The following INPP4B variants were observed in gnomAD, a reference collection of about 807,000 sequenced individuals.
INPP4B encodes the protein inositol polyphosphate 4-phosphatase type II.
In INPP4B, 55 loss-of-function variants were observed where a neutral mutation model predicts 122.5. The ratio of observed to expected loss-of-function variants is 0.45; its 90% CI spans 0.36 to 0.56. INPP4B has a LOEUF of 0.56. Among genes scored for constraint, INPP4B ranks in the 20% least tolerant of loss-of-function variants. The probability of loss-of-function intolerance (pLI) is 0.00; values close to 1 mark genes in which losing one functional copy is unlikely to be tolerated. For missense variants in INPP4B, 1,000 were observed against 1,097.7 expected, an observed-to-expected ratio of 0.91 and a Z score of 1.26; for synonymous variants, 403 against 388.7, an observed-to-expected ratio of 1.04 and a Z score of -0.43.
chr4:142,760,745 A>G (rs1771213595), intron 1 of INPP4B, among the ~76,000 whole-genome samples: 1 of 152,176 alleles, frequency 6.6e-6, no homozygotes, highest in Non-Finnish European at 1.5e-5. Flanking sequence ...TGTTCCCTGA[A>G]CAAACCATGC....
chr4:142,804,333 G>A (rs945288606), intron 1 of INPP4B, among the ~76,000 whole-genome samples: 26 of 152,062 alleles, frequency 1.7e-4, no homozygotes, highest in African/African-American at 3.9e-4. Flanking sequence ...CACCTGCTGC[G>A]TCTGGGTCTT....
chr4:142,468,194 G>A (rs1432177828), intron 2 of INPP4B: 4 of 152,104 alleles, frequency 2.6e-5, no homozygotes, highest in African/African-American at 9.7e-5. Flanking sequence ...TTCTACCCCA[G>A]GATCCTGGTG....
intron 5 of INPP4B, among the ~76,000 whole-genome samples, chr4:142,414,986 G>A (rs1021293410): frequency 1.1e-4 from 16 of 152,248 alleles, no homozygotes; most frequent in East Asian, 1.9e-4. Flanking sequence ...ATTGTGAGTC[G>A]GTTCATGGAA....
intron 9 of INPP4B, among the ~76,000 whole-genome samples, chr4:142,303,350 T>A (rs1195662815): frequency 6.6e-6 from 1 of 152,150 alleles, no homozygotes; most frequent in African/African-American, 2.4e-5. Flanking sequence ...CATGGAATGC[T>A]CTTAGTTCTG....
At chr4:142,097,804 A>G (rs1018869033) in intron 23 of INPP4B, among the ~76,000 whole-genome samples, 2 of 152,184 alleles carry the variant, frequency 1.3e-5, no homozygotes, top group African/African-American at 2.4e-5. Flanking sequence ...CATAGTCTTC[A>G]TTAACTATTT....
At chr4:142,533,689 C>T (rs564901135) in intron 2 of INPP4B, among the ~76,000 whole-genome samples, 310 of 152,150 alleles carry the variant, frequency 2.0e-3, no homozygotes, top group African/African-American at 7.2e-3. Flanking sequence ...AAAATGTTAC[C>T]TTGACTGCAT....
At chr4:142,796,916 C>G (rs7681068) in intron 1 of INPP4B, among the ~76,000 whole-genome samples, 8,660 of 60,054 alleles carry the variant, frequency 0.14, 327 homozygotes, top group South Asian at 0.28. Context: ...GTGTGTGTGT[C>G]TGTGTGTAAT....
chr4:142,355,306 T>C (rs1294349655), intron 7 of INPP4B, among the ~76,000 whole-genome samples: 2 of 152,016 alleles, frequency 1.3e-5, no homozygotes, highest in African/African-American at 4.8e-5. Flanking sequence ...GTATTTAATC[T>C]AACACATCCG....
At chr4:142,330,270 C>T (rs1773954750) in intron 7 of INPP4B, among the ~76,000 whole-genome samples, 1 of 152,136 alleles carries the variant, frequency 6.6e-6, no homozygotes, top group African/African-American at 2.4e-5. Context: ...CTTTCTAGCA[C>T]CAAGAGGCCT....
chr4:142,121,144 T>A (rs1457059550), intron 21 of INPP4B, among the ~76,000 whole-genome samples: 2 of 152,142 alleles, frequency 1.3e-5, no homozygotes, highest in Admixed American at 6.6e-5. Flanking sequence ...GGTGTGCGTA[T>A]GAGCAATTTT....
chr4:142,141,771 G>T lies in INPP4B; in HGVS notation c.1720+4069C>A, dbSNP rs538647707. On this transcript the variant is annotated intron_variant, in intron 18 of 25. Transcript: ENST00000262992. Reference sequence around the variant, plus strand: ...GGTTAAAGAACAACATAAGAAAGTGGATAAAAGTAGCACAACCCAGATGAC... The same window carrying T: ...GGTTAAAGAACAACATAAGAAAGTGTATAAAAGTAGCACAACCCAGATGAC... Among the ~76,000 whole-genome samples, 166 of 152,066 alleles carry T rather than the reference G, an allele frequency of 1.1e-3. 5 individuals carry two copies. In the South Asian group the frequency reaches 0.033, roughly 30 times the overall value.
At chr4:142,701,195 C>A (rs979189023) in intron 2 of INPP4B, among the ~76,000 whole-genome samples, 1 of 152,024 alleles carries the variant, frequency 6.6e-6, no homozygotes, top group African/African-American at 2.4e-5. Flanking sequence ...AGGTGGTAAA[C>A]AAGGTATGTC....
chr4:142,636,698 T>G (rs1193113990), intron 2 of INPP4B, among the ~76,000 whole-genome samples: 2 of 152,074 alleles, frequency 1.3e-5, no homozygotes, highest in Non-Finnish European at 2.9e-5. Flanking sequence ...TCTATATGGA[T>G]TATCTAAACC....
At chr4:142,188,518 A>AAAAAAAAATAT (rs1834267141) in intron 15 of INPP4B, among the ~76,000 whole-genome samples, 1 of 105,096 alleles carries the variant, frequency 9.5e-6, no homozygotes, top group African/African-American at 3.3e-5. Flanking sequence ...AAAGAAAAAA[A>AAAAAAAAATAT]ATATATATAG....
At chr4:142,277,170 TG>T (rs1748896900) in intron 9 of INPP4B, among the ~76,000 whole-genome samples, 1 of 151,134 alleles carries the variant, frequency 6.6e-6, no homozygotes, top group Non-Finnish European at 1.5e-5. Context: ...CACTTTTTGA[TG>T]GGATTGTTCT....
intron 1 of INPP4B, among the ~76,000 whole-genome samples, chr4:142,840,619 T>C (rs1436019875): frequency 2.0e-5 from 3 of 152,166 alleles, no homozygotes; most frequent in Non-Finnish European, 4.4e-5. Context: ...TTAACTTTAT[T>C]AACTCACTAT....
chr4:142,552,812 A>C (rs1728290282), intron 2 of INPP4B, among the ~76,000 whole-genome samples: 3 of 152,212 alleles, frequency 2.0e-5, no homozygotes, highest in Non-Finnish European at 4.4e-5. Context: ...TAAAACTCAG[A>C]GAGGGCAAGT....
chr4:142,531,771 C>T (rs1008581486), intron 2 of INPP4B, among the ~76,000 whole-genome samples: 2 of 151,998 alleles, frequency 1.3e-5, no homozygotes, highest in Non-Finnish European at 2.9e-5. Context: ...TAGTAAAATA[C>T]AAGTCAGTGG....
intron 8 of INPP4B, among the ~76,000 whole-genome samples, chr4:142,308,679 A>G (rs1377474130): frequency 6.6e-6 from 1 of 151,934 alleles, no homozygotes; most frequent in African/African-American, 2.4e-5. Context: ...AAGCTATTAT[A>G]TCTTTGCTAT....
Sources: gnomAD v4.1 joint callset for allele counts (sites outside exome capture counted in the v4.1 genomes callset) on GRCh38, gnomAD v4.1.1 for gene constraint, MANE v1.5 for transcripts, NCBI Gene and HGNC (gene_info 2026-07-23, HGNC 2026-07-21) for gene names.